Variants in SHANK2 observed in about 807,000 individuals in gnomAD.
SHANK2 encodes SH3 and multiple ankyrin repeat domains protein 2.
Under a neutral mutation model 133.7 loss-of-function variants are expected in SHANK2, and 43 were observed. That is an observed-to-expected ratio of 0.32 (90% CI 0.25 to 0.41). The LOEUF (loss-of-function observed/expected upper bound fraction) is 0.41. SHANK2 is among the 10% of genes least tolerant of loss of function. The pLI, the probability that SHANK2 is intolerant of heterozygous loss-of-function variation, is 1.00. For synonymous variants in SHANK2, 1,017 were observed against 952.8 expected, an observed-to-expected ratio of 1.07 and a Z score of -1.24; for missense variants, 1,994 against 2,235.8, an observed-to-expected ratio of 0.89 and a Z score of 2.18.
chr11:71,136,561 C>T (rs1222187764), intron 3 of SHANK2, among the ~76,000 whole-genome samples: 1 of 152,166 alleles, frequency 6.6e-6, no homozygotes, highest in Non-Finnish European at 1.5e-5. Context: ...ACGAAAAGCC[C>T]ACACTTTACC....
intron 11 of SHANK2, among the ~76,000 whole-genome samples, chr11:70,847,722 T>G (rs1489202111): frequency 6.6e-6 from 1 of 151,844 alleles, no homozygotes; most frequent in East Asian, 1.9e-4. Flanking sequence ...CCACGCAAAC[T>G]CTCCCACATC....
At chr11:71,076,509 AC>A (rs1434087148) in intron 8 of SHANK2, among the ~76,000 whole-genome samples, 16 of 145,426 alleles carry the variant, frequency 1.1e-4, no homozygotes, top group East Asian at 9.7e-4. Context: ...CAAAAAAAAA[AC>A]AAACAAAAAC....
intron 10 of SHANK2, among the ~76,000 whole-genome samples, chr11:70,923,312 G>C (rs1460149149): frequency 6.6e-6 from 1 of 152,102 alleles, no homozygotes; most frequent in Non-Finnish European, 1.5e-5. Context: ...GTGTGATCTT[G>C]GCTCACCGCA....
intron 14 of SHANK2, among the ~76,000 whole-genome samples, chr11:70,777,254 C>G (rs1947385478): frequency 6.6e-6 from 1 of 151,352 alleles, no homozygotes; most frequent in Admixed American, 6.6e-5. Flanking sequence ...CATTCATCCA[C>G]TTATCCATCC....
chr11:70,671,071 A>G (rs1187537852), intron 15 of SHANK2, among the ~76,000 whole-genome samples: 2 of 152,246 alleles, frequency 1.3e-5, no homozygotes, highest in African/African-American at 4.8e-5. Context: ...TTTTCCTAAT[A>G]GAAACAATAA....
At chr11:70,901,665 G>T (rs1950025114) in intron 10 of SHANK2, among the ~76,000 whole-genome samples, 1 of 152,180 alleles carries the variant, frequency 6.6e-6, no homozygotes, top group African/African-American at 2.4e-5. Context: ...AGGGTTTAAA[G>T]AAACCCAGAG....
chr11:71,236,932 C>T (rs1203854049), intron 1 of SHANK2, among the ~76,000 whole-genome samples: 2 of 152,252 alleles, frequency 1.3e-5, no homozygotes, highest in Non-Finnish European at 2.9e-5. Flanking sequence ...GGCAACACTG[C>T]AGGCAGCGGC....
chr11:71,128,142 T>G (rs1316535747), intron 3 of SHANK2, among the ~76,000 whole-genome samples: 1 of 152,236 alleles, frequency 6.6e-6, no homozygotes, highest in African/African-American at 2.4e-5. Context: ...CTTTCCTGTC[T>G]GGCCCATGAG....
At chr11:70,566,568 C>A (rs1447815419) in intron 17 of SHANK2, 1 of 152,210 alleles carries the variant, frequency 6.6e-6, no homozygotes, top group Non-Finnish European at 1.5e-5. Flanking sequence ...AGACTTTCCA[C>A]TCTGAGTCCT....
intron 11 of SHANK2, among the ~76,000 whole-genome samples, chr11:70,841,683 A>G (rs1469198988): frequency 6.6e-6 from 1 of 152,128 alleles, no homozygotes; most frequent in Non-Finnish European, 1.5e-5. Context: ...TCCCTTAGGC[A>G]CTAGAGCCAG....
chr11:70,775,810 G>A (rs1947352626), intron 14 of SHANK2, among the ~76,000 whole-genome samples: 1 of 152,214 alleles, frequency 6.6e-6, no homozygotes, highest in Non-Finnish European at 1.5e-5. Context: ...CAAATGTGGA[G>A]GTTTCATCGT....
chr11:71,064,641 G>A (rs1053460189), intron 9 of SHANK2, among the ~76,000 whole-genome samples: 1 of 152,116 alleles, frequency 6.6e-6, no homozygotes, highest in Non-Finnish European at 1.5e-5. Flanking sequence ...CAGGGCCCCA[G>A]GCAAGGGTGA....
At chr11:70,537,379 G>A (rs1198089075) in intron 17 of SHANK2, among the ~76,000 whole-genome samples, 1 of 152,244 alleles carries the variant, frequency 6.6e-6, no homozygotes, top group African/African-American at 2.4e-5. Context: ...TATGACCCGG[G>A]ATTTATGGTG....
chr11:70,675,118 C>T (rs1293030299), intron 15 of SHANK2, among the ~76,000 whole-genome samples: 1 of 152,176 alleles, frequency 6.6e-6, no homozygotes, highest in Non-Finnish European at 1.5e-5. Context: ...CTGAGAGGTT[C>T]AGAAGGATCA....
At chr11:70,735,265 C>G (rs1190852810) in intron 14 of SHANK2, among the ~76,000 whole-genome samples, 3 of 152,198 alleles carry the variant, frequency 2.0e-5, no homozygotes, top group Non-Finnish European at 4.4e-5. Context: ...AGCTGGGCAA[C>G]CAGGCAGGGT....
intron 2 of SHANK2, among the ~76,000 whole-genome samples, chr11:71,215,037 C>T (rs923876863): frequency 6.6e-6 from 1 of 152,218 alleles, no homozygotes; most frequent in Non-Finnish European, 1.5e-5. Flanking sequence ...GTACATGGGG[C>T]TTTCCCTTCA....
At chr11:71,181,714 C>T (rs1432261983) in intron 2 of SHANK2, among the ~76,000 whole-genome samples, 1 of 152,102 alleles carries the variant, frequency 6.6e-6, no homozygotes, top group African/African-American at 2.4e-5. Flanking sequence ...GCATGCATAA[C>T]GGAACCAGGA....
intron 2 of SHANK2, among the ~76,000 whole-genome samples, chr11:71,189,107 C>T (rs191627686): frequency 1.3e-3 from 197 of 152,318 alleles, no homozygotes; most frequent in African/African-American, 4.4e-3. Context: ...CTGCCATTCT[C>T]GGCTGAAATC....
chr11:71,059,974 C>A (rs1950968180), intron 9 of SHANK2, among the ~76,000 whole-genome samples: 1 of 152,184 alleles, frequency 6.6e-6, no homozygotes, highest in South Asian at 2.1e-4. Flanking sequence ...GACCGCTCCA[C>A]AGACCGTGCT....
Sources: gnomAD v4.1 joint callset for allele counts (sites outside exome capture counted in the v4.1 genomes callset) on GRCh38, gnomAD v4.1.1 for gene constraint, MANE v1.5 for transcripts, NCBI Gene and HGNC (gene_info 2026-07-23, HGNC 2026-07-21) for gene names.